The following IGF2BP2 variants were observed in gnomAD, a reference collection of about 807,000 sequenced individuals.
IGF2BP2 encodes the protein insulin-like growth factor 2 mRNA-binding protein 2.
IGF2BP2 carries 17 observed loss-of-function variants against 75.8 expected under a neutral mutation model. The observed-to-expected ratio is 0.22, with a 90% CI of 0.15 to 0.34. The LOEUF is 0.34. IGF2BP2 is among the 10% of genes least tolerant of loss of function. The probability of loss-of-function intolerance (pLI) is 1.00; values close to 1 mark genes in which losing one functional copy is unlikely to be tolerated. For synonymous variants in IGF2BP2, 288 were observed against 295.6 expected, an observed-to-expected ratio of 0.97 and a Z score of 0.26; for missense variants, 516 against 772.4, an observed-to-expected ratio of 0.67 and a Z score of 3.93.
At chr3:185,812,074 G>A (rs1432476008) in intron 2 of IGF2BP2, among the ~76,000 whole-genome samples, 1 of 152,128 alleles carries the variant, frequency 6.6e-6, no homozygotes, top group African/African-American at 2.4e-5. Flanking sequence ...GATACTGAGG[G>A]GGTGTGTATT....
chr3:185,655,025 G>GA, intron 12 of IGF2BP2, among the ~76,000 whole-genome samples: 1 of 152,310 alleles, frequency 6.6e-6, no homozygotes, highest in Middle Eastern at 3.4e-3. Context: ...AGAAACTAGG[G>GA]GTGGGAGAAT....
intron 2 of IGF2BP2, among the ~76,000 whole-genome samples, chr3:185,789,564 C>T (rs988959238): frequency 6.6e-5 from 10 of 151,896 alleles, no homozygotes; most frequent in Admixed American, 2.0e-4. Flanking sequence ...GAGGAGAGCA[C>T]GGAGCCACAT....
chr3:185,749,963 G>T (rs144441957), intron 2 of IGF2BP2, among the ~76,000 whole-genome samples: 1 of 152,296 alleles, frequency 6.6e-6, no homozygotes, highest in East Asian at 1.9e-4. Context: ...CGGACTTACT[G>T]CAAGAATAGA....
chr3:185,804,871 T>C (rs1416019909), intron 2 of IGF2BP2, among the ~76,000 whole-genome samples: 3 of 151,750 alleles, frequency 2.0e-5, no homozygotes, highest in South Asian at 2.1e-4. Context: ...CGGGTGCCTG[T>C]AGTCCCAGCT....
At chr3:185,769,397 G>C (rs1173489216) in intron 2 of IGF2BP2, among the ~76,000 whole-genome samples, 1 of 151,920 alleles carries the variant, frequency 6.6e-6, no homozygotes, top group Admixed American at 6.6e-5. Flanking sequence ...GTTTAAAACG[G>C]AAGTTATAAA....
chr3:185,812,802 G>A (rs894582224), intron 2 of IGF2BP2, among the ~76,000 whole-genome samples: 1 of 152,218 alleles, frequency 6.6e-6, no homozygotes, highest in South Asian at 2.1e-4. Context: ...CCATAAATTT[G>A]GCATCTCCTT....
intron 2 of IGF2BP2, among the ~76,000 whole-genome samples, chr3:185,765,820 T>C (rs1327813774): frequency 6.6e-6 from 1 of 152,162 alleles, no homozygotes; most frequent in Non-Finnish European, 1.5e-5. Flanking sequence ...GGTTTTCTAA[T>C]AGGGATGAAG....
intron 2 of IGF2BP2, among the ~76,000 whole-genome samples, chr3:185,811,159 T>A (rs915515194): frequency 3.9e-5 from 6 of 152,062 alleles, no homozygotes; most frequent in Non-Finnish European, 2.9e-5. Flanking sequence ...GGGTACTTTA[T>A]AATGGAAAAA....
At chr3:185,774,594 C>CAG (rs1734299638) in intron 2 of IGF2BP2, among the ~76,000 whole-genome samples, 1 of 129,038 alleles carries the variant, frequency 7.7e-6, no homozygotes, top group African/African-American at 2.7e-5. Flanking sequence ...GACTCTGTCT[C>CAG]AAAAAAAAAA....
intron 2 of IGF2BP2, among the ~76,000 whole-genome samples, chr3:185,800,230 G>A (rs527521801): frequency 6.6e-6 from 1 of 152,176 alleles, no homozygotes; most frequent in South Asian, 2.1e-4. Flanking sequence ...TGAACAATGA[G>A]AACACTTGGA....
At chr3:185,753,273 G>A (rs1306945912) in intron 2 of IGF2BP2, among the ~76,000 whole-genome samples, 5 of 152,078 alleles carry the variant, frequency 3.3e-5, no homozygotes, top group Non-Finnish European at 5.9e-5. Context: ...TGCGGAACGG[G>A]GTGCTCTCTG....
At chr3:185,734,202 A>G (rs1302947232) in intron 2 of IGF2BP2, among the ~76,000 whole-genome samples, 1 of 152,232 alleles carries the variant, frequency 6.6e-6, no homozygotes, top group Non-Finnish European at 1.5e-5. Context: ...GCATCTGCAC[A>G]TAGTTACATA....
chr3:185,795,423 G>C (rs1438756019), intron 2 of IGF2BP2, among the ~76,000 whole-genome samples: 1 of 152,182 alleles, frequency 6.6e-6, no homozygotes, highest in East Asian at 1.9e-4. Context: ...AAACAATACT[G>C]CTTTAACATG....
At chr3:185,724,960 G>A (rs982762115) in intron 2 of IGF2BP2, 2 of 152,206 alleles carry the variant, frequency 1.3e-5, no homozygotes, top group Non-Finnish European at 2.9e-5. Flanking sequence ...TTGGAAGCCA[G>A]CCACCATGCT....
intron 2 of IGF2BP2, chr3:185,722,306 C>T: frequency 2.2e-6 from 1 of 454,910 alleles, no homozygotes; most frequent in South Asian, 1.6e-5. Flanking sequence ...CAGGATATGC[C>T]ACTGCAGAGA....
chr3:185,698,243 G>T, intron 3 of IGF2BP2, 56 bp downstream of exon 3: 1 of 1,474,572 alleles, frequency 6.8e-7, no homozygotes, highest in South Asian at 1.1e-5. Context: ...ATGTAAAATG[G>T]AACTAAAGAA....
chr3:185,744,236 T>A (rs1410694893), intron 2 of IGF2BP2, among the ~76,000 whole-genome samples: 1 of 152,226 alleles, frequency 6.6e-6, no homozygotes. Flanking sequence ...TATTTTTCAA[T>A]AAAATTTTTA....
At chr3:185,753,492 C>A (rs557248967) in intron 2 of IGF2BP2, among the ~76,000 whole-genome samples, 1 of 152,114 alleles carries the variant, frequency 6.6e-6, no homozygotes, top group Non-Finnish European at 1.5e-5. Flanking sequence ...CAAAACAAGT[C>A]ATACCTGGGG....
At chr3:185,709,403 A>G (rs1724489561) in intron 2 of IGF2BP2, among the ~76,000 whole-genome samples, 1 of 152,300 alleles carries the variant, frequency 6.6e-6, no homozygotes. Flanking sequence ...GTGCGCAGCA[A>G]TCAGCAAGCT....
Sources: allele counts gnomAD v4.1 joint callset (sites outside exome capture counted in the v4.1 genomes callset), GRCh38; gene constraint gnomAD v4.1.1; transcripts MANE v1.5; gene names NCBI Gene and HGNC (gene_info 2026-07-23, HGNC 2026-07-21).